Variants in TLK1 observed in about 807,000 individuals in gnomAD.
TLK1 encodes the protein serine/threonine-protein kinase tousled-like 1.
Under a neutral mutation model 105.3 loss-of-function variants are expected in TLK1, and 24 were observed. The ratio of observed to expected loss-of-function variants is 0.23; its 90% confidence interval spans 0.17 to 0.32. TLK1 has a LOEUF of 0.32. TLK1 is among the 10% of genes least tolerant of loss of function. TLK1 has a pLI of 1.00. For synonymous variants in TLK1, 321 were observed against 310.4 expected (o/e 1.03, Z -0.36); for missense variants, 558 against 910.5 (o/e 0.61, Z 4.98).
At chr2:171,067,284 C>A (rs777920112) in intron 3 of TLK1, among the ~76,000 whole-genome samples, 3 of 151,364 alleles carry the variant, frequency 2.0e-5, no homozygotes, top group Non-Finnish European at 4.4e-5. Context: ...CTCAGCCTCC[C>A]GAGTAGCTGG....
At chr2:171,128,427 A>C (rs1690958921) in intron 1 of TLK1, among the ~76,000 whole-genome samples, 1 of 152,164 alleles carries the variant, frequency 6.6e-6, no homozygotes, top group Non-Finnish European at 1.5e-5. Context: ...TAGAGTTGTT[A>C]AAGTAAAATA....
intron 1 of TLK1, among the ~76,000 whole-genome samples, chr2:171,151,764 C>T (rs527274676): frequency 6.6e-6 from 1 of 152,082 alleles, no homozygotes; most frequent in Non-Finnish European, 1.5e-5. Context: ...CGTGAGCCAC[C>T]GCGCCCAGCC....
chr2:171,011,992 A>G (rs1428994719), intron 13 of TLK1, among the ~76,000 whole-genome samples: 1 of 152,092 alleles, frequency 6.6e-6, no homozygotes, highest in African/African-American at 2.4e-5. Context: ...TACTACTTAA[A>G]ATTTACCGTA....
chr2:171,144,307 C>T (rs1691707143), intron 1 of TLK1, among the ~76,000 whole-genome samples: 3 of 152,194 alleles, frequency 2.0e-5, no homozygotes, highest in African/African-American at 4.8e-5. Context: ...AAAACAAACA[C>T]TATAATCAAC....
intron 2 of TLK1, among the ~76,000 whole-genome samples, chr2:171,110,932 T>C (rs540525979): frequency 2.6e-5 from 4 of 152,338 alleles, no homozygotes; most frequent in Middle Eastern, 3.4e-3. Flanking sequence ...CTACGCATTT[T>C]ACTGTACTTA....
intron 1 of TLK1, among the ~76,000 whole-genome samples, chr2:171,144,800 T>C (rs1691725878): frequency 1.3e-5 from 2 of 151,830 alleles, no homozygotes; most frequent in African/African-American, 4.8e-5. Flanking sequence ...GGCCACAGAA[T>C]AGGGGGAAAA....
At chr2:171,158,035 G>A (rs1692306167) in intron 1 of TLK1, among the ~76,000 whole-genome samples, 1 of 152,072 alleles carries the variant, frequency 6.6e-6, no homozygotes, top group East Asian at 1.9e-4. Flanking sequence ...ACCTGGAAAA[G>A]GTGCTAAACA....
At chr2:171,223,313 AT>A in intron 1 of TLK1, among the ~76,000 whole-genome samples, 1 of 151,960 alleles carries the variant, frequency 6.6e-6, no homozygotes, top group East Asian at 1.9e-4. Flanking sequence ...AGCATCCATT[AT>A]TTTTTGTCTT....
At chr2:171,183,588 A>C (rs1294767915) in intron 1 of TLK1, among the ~76,000 whole-genome samples, 3 of 152,010 alleles carry the variant, frequency 2.0e-5, no homozygotes, top group Admixed American at 2.0e-4. Context: ...TATGTTGCAA[A>C]TATTGTCTTC....
upstream of TLK1, among the ~76,000 whole-genome samples, chr2:171,164,678 TAAAG>T (rs1692574843): frequency 6.6e-6 from 1 of 152,226 alleles, no homozygotes; most frequent in African/African-American, 2.4e-5. Flanking sequence ...AATTGAAGCA[TAAAG>T]AAGGCCTCTG....
chr2:171,218,299 A>C (rs7607983), intron 1 of TLK1, among the ~76,000 whole-genome samples: 151,130 of 152,220 alleles, frequency 0.99, 75,032 homozygotes, highest in Non-Finnish European at 1. Flanking sequence ...ACAACAACAA[A>C]AAAAAAACAG....
chr2:171,230,376 G>A (rs745663958), intron 1 of TLK1, among the ~76,000 whole-genome samples: 15 of 152,162 alleles, frequency 9.9e-5, no homozygotes, highest in African/African-American at 3.6e-4. Flanking sequence ...TGACATTAGA[G>A]TCATAAGACT....
intron 1 of TLK1, among the ~76,000 whole-genome samples, chr2:171,169,817 C>A (rs1378433555): frequency 1.3e-5 from 2 of 152,128 alleles, no homozygotes; most frequent in African/African-American, 4.8e-5. Flanking sequence ...ACGTTTGGTG[C>A]CTTCTTTTCC....
At chr2:171,123,086 A>T (rs1395087272) in intron 1 of TLK1, among the ~76,000 whole-genome samples, 3 of 151,062 alleles carry the variant, frequency 2.0e-5, no homozygotes, top group South Asian at 4.2e-4. Flanking sequence ...ACACACACAC[A>T]CTTCTTTTTT....
intron 18 of TLK1, 54 bp downstream of exon 18, chr2:171,006,093 T>C: frequency 3.5e-6 from 5 of 1,439,610 alleles, no homozygotes; most frequent in Admixed American, 2.4e-5. Context: ...TAAATTATTA[T>C]AAAAGCACTG....
At chr2:171,018,154 T>C (rs1200105509) in intron 12 of TLK1, among the ~76,000 whole-genome samples, 1 of 152,142 alleles carries the variant, frequency 6.6e-6, no homozygotes, top group African/African-American at 2.4e-5. Flanking sequence ...ATGGGATTAG[T>C]GGCCTTATGA....
intron 1 of TLK1, among the ~76,000 whole-genome samples, chr2:171,153,507 T>C (rs540683360): frequency 4.5e-4 from 68 of 152,374 alleles, no homozygotes; most frequent in Non-Finnish European, 7.9e-4. Flanking sequence ...GCCAACTCTG[T>C]AGAGGATGTC....
At chr2:171,036,879 A>T (rs929721006) in intron 11 of TLK1, among the ~76,000 whole-genome samples, 9 of 152,160 alleles carry the variant, frequency 5.9e-5, no homozygotes, top group Non-Finnish European at 1.2e-4. Context: ...AAAGGATGTG[A>T]ATCTTTGGGG....
chr2:171,048,189 TCCTCCCAACTCGG>T (rs71399593), intron 10 of TLK1, among the ~76,000 whole-genome samples: 77,723 of 151,794 alleles, frequency 0.51, 22,630 homozygotes, highest in South Asian at 0.67. Context: ...CCTCAGGTGA[TCCTCCCAACTCGG>T]CCTCCCAAAG....
Sources: allele counts gnomAD v4.1 joint callset (sites outside exome capture counted in the v4.1 genomes callset), GRCh38; gene constraint gnomAD v4.1.1; transcripts MANE v1.5; gene names NCBI Gene and HGNC (gene_info 2026-07-23, HGNC 2026-07-21).